The following PTPRD variants were observed in gnomAD, a reference collection of about 807,000 sequenced individuals.
PTPRD encodes receptor-type tyrosine-protein phosphatase delta.
In PTPRD, 34 loss-of-function variants were observed where a neutral mutation model predicts 214.5. The observed-to-expected ratio is 0.16, with a 90% CI of 0.12 to 0.21. PTPRD has a LOEUF of 0.21. Ranked by LOEUF, PTPRD falls within the 10% of genes least tolerant of loss-of-function variation. PTPRD has a pLI of 1.00. For missense variants in PTPRD, 2,545 were observed against 2,398.7 expected, an observed-to-expected ratio of 1.06 and a Z score of -1.27; for synonymous variants, 1,128 against 845.7, an observed-to-expected ratio of 1.33 and a Z score of -5.79.
intron 2 of PTPRD, among the ~76,000 whole-genome samples, chr9:10,368,142 T>G (rs1236909704): frequency 6.6e-5 from 10 of 152,210 alleles, no homozygotes; most frequent in Admixed American, 5.9e-4. Flanking sequence ...TTGACACATA[T>G]TGGTAAGTTG....
At chr9:8,635,304 T>C (rs1475753421) in intron 13 of PTPRD, among the ~76,000 whole-genome samples, 1 of 151,624 alleles carries the variant, frequency 6.6e-6, no homozygotes, top group African/African-American at 2.4e-5. Flanking sequence ...TTAGAAAGCG[T>C]GATGTCAAAC....
In PTPRD at chr9:8,316,488, G is replaced by T. The variant is rs1587169336; in HGVS notation, c.*1386C>A. 2.2e-5 allele frequency: 5 copies of T among 230,368 alleles called. No homozygotes were observed. The East Asian group carries it at 3.1e-4, about 14-fold the overall frequency. 14.3% of individuals were successfully genotyped at this position (230,368 alleles called of 1,614,324 possible). ...ACATATCATAAATGCAAATTTCATA[G>T]CACATACTATAGACAATATACGATT... is the stretch of plus-strand genomic sequence containing the variant. On this transcript the variant is annotated 3_prime_UTR_variant, in exon 46 of 46. Coordinates refer to ENST00000381196, the MANE Select transcript of PTPRD (RefSeq NM_002839.4).
intron 11 of PTPRD, among the ~76,000 whole-genome samples, chr9:8,934,290 T>C (rs1190172548): frequency 1.3e-5 from 2 of 148,990 alleles, no homozygotes; most frequent in African/African-American, 5.0e-5. Flanking sequence ...TAAATTCAGT[T>C]CCAACTTGAA....
intron 3 of PTPRD, among the ~76,000 whole-genome samples, chr9:10,169,269 T>C (rs1041960457): frequency 2.6e-5 from 4 of 151,240 alleles, no homozygotes; most frequent in Non-Finnish European, 5.9e-5. Context: ...GGTCAGGAGA[T>C]CGAGACCATC....
chr9:10,612,928 G>C lies in PTPRD; in HGVS notation c.-948C>G, dbSNP rs1239997323. 1.3e-5 allele frequency among the ~76,000 whole-genome samples: 2 copies of C among 151,368 alleles called. No homozygotes were observed. Among genetic ancestry groups the C allele is most frequent in the Non-Finnish European group, 3.0e-5 (2 of 67,768 alleles). On this transcript the variant is annotated 5_prime_UTR_variant, in exon 1 of 46. Transcript: ENST00000381196. ...GGCCGCCGGCTGCGGGCGCGGCTGGGCGGGGAGCCGAGGCGGCCGCTCCCG... is the reference window on the plus strand; with the variant it reads ...GGCCGCCGGCTGCGGGCGCGGCTGGCCGGGGAGCCGAGGCGGCCGCTCCCG...
chr9:9,374,477 A>G (rs1411042524), intron 9 of PTPRD, among the ~76,000 whole-genome samples: 1 of 152,178 alleles, frequency 6.6e-6, no homozygotes, highest in Non-Finnish European at 1.5e-5. Flanking sequence ...AGTTTTAACT[A>G]TAACATAAAG....
chr9:10,606,150 A>C (rs1311503145), intron 2 of PTPRD, among the ~76,000 whole-genome samples: 2 of 151,886 alleles, frequency 1.3e-5, no homozygotes, highest in Non-Finnish European at 2.9e-5. Context: ...TGTTATCAAC[A>C]GCAAAAAAAC....
At chr9:10,013,067 A>G (rs1244187512) in intron 4 of PTPRD, among the ~76,000 whole-genome samples, 1 of 151,948 alleles carries the variant, frequency 6.6e-6, no homozygotes, top group East Asian at 1.9e-4. Context: ...GTGGCAAATC[A>G]ATGATTTGAA....
intron 2 of PTPRD, among the ~76,000 whole-genome samples, chr9:10,457,055 A>T (rs914933891): frequency 6.6e-6 from 1 of 151,954 alleles, no homozygotes; most frequent in Non-Finnish European, 1.5e-5. Context: ...AATATTGTAT[A>T]TTATACACAT....
chr9:9,644,219 A>G (rs758052467), intron 7 of PTPRD, among the ~76,000 whole-genome samples: 4 of 152,028 alleles, frequency 2.6e-5, no homozygotes, highest in Admixed American at 2.0e-4. Context: ...CCCTCTTGAC[A>G]TTTTGCTTTT....
At chr9:8,943,987 T>G (rs915644648) in intron 11 of PTPRD, among the ~76,000 whole-genome samples, 1 of 151,934 alleles carries the variant, frequency 6.6e-6, no homozygotes, top group Admixed American at 6.6e-5. Flanking sequence ...GAGAAAACAT[T>G]TGCAAACTAT....
intron 3 of PTPRD, among the ~76,000 whole-genome samples, chr9:10,231,774 C>A (rs1028313756): frequency 1.3e-5 from 2 of 151,478 alleles, no homozygotes; most frequent in Admixed American, 1.3e-4. Context: ...ATGGTTTGTC[C>A]CCACCAAAGC....
At chr9:8,438,915 A>C (rs1041628275) in intron 34 of PTPRD, 3 of 152,210 alleles carry the variant, frequency 2.0e-5, no homozygotes, top group African/African-American at 7.2e-5. Flanking sequence ...CAACATATTT[A>C]CTTGTGGCAT....
chr9:10,500,111 A>C (rs1269473133), intron 2 of PTPRD, among the ~76,000 whole-genome samples: 1 of 151,888 alleles, frequency 6.6e-6, no homozygotes, highest in East Asian at 1.9e-4. Context: ...GATTTCTCCC[A>C]TAAGAAGCTA....
chr9:8,850,478 T>C (rs1272818558), intron 11 of PTPRD, among the ~76,000 whole-genome samples: 1 of 152,190 alleles, frequency 6.6e-6, no homozygotes, highest in Non-Finnish European at 1.5e-5. Flanking sequence ...CTTCCATCCA[T>C]GGCATATTTC....
intron 5 of PTPRD, among the ~76,000 whole-genome samples, chr9:9,848,708 T>C (rs746472397): frequency 3.2e-4 from 48 of 152,044 alleles, no homozygotes; most frequent in Admixed American, 1.8e-3. Context: ...AAATATCAAA[T>C]ATATCCTTAC....
At position 8,422,261 on chromosome 9, in the gene PTPRD, T is replaced by C. The variant is rs535493906; in HGVS notation, c.4086+14331A>G. Among the ~76,000 whole-genome samples, 8 of 150,688 alleles carry C rather than the reference T, an allele frequency of 5.3e-5. No homozygotes were observed. The East Asian group carries it at 1.6e-3, about 30-fold the overall frequency. On this transcript the variant is annotated intron_variant, in intron 35 of 45. Coordinates refer to ENST00000381196, the MANE Select transcript of PTPRD (RefSeq NM_002839.4). ...TATATCACACAAGTTTATTTCTCCCTAAAACTGCCTTATTTCTTCCCATAA... is the reference window on the plus strand; with the variant it reads ...TATATCACACAAGTTTATTTCTCCCCAAAACTGCCTTATTTCTTCCCATAA...
rs183500550 is a variant in PTPRD at position 8,889,440 on chromosome 9, T to C, written c.-104+129257A>G. On this transcript the variant is annotated intron_variant, in intron 11 of 45. Coordinates refer to ENST00000381196, the MANE Select transcript of PTPRD (RefSeq NM_002839.4). ...CATACACTGAGATCACCCAGCCTAA[T>C]TCAGGGCCCATATATATTTAAAATT... is the stretch of plus-strand genomic sequence containing the variant. Among the ~76,000 whole-genome samples, 382 of 152,270 alleles carry C rather than the reference T, an allele frequency of 2.5e-3. 1 individual carries two copies. Among genetic ancestry groups the C allele is most frequent in the African/African-American group, 8.9e-3 (368 of 41,566 alleles).
intron 2 of PTPRD, among the ~76,000 whole-genome samples, chr9:10,517,758 G>A (rs1165858105): frequency 6.6e-6 from 1 of 152,018 alleles, no homozygotes; most frequent in Non-Finnish European, 1.5e-5. Context: ...TTGCTTCCAA[G>A]TTGGAAATGT....
Sources: allele counts gnomAD v4.1 joint callset (sites outside exome capture counted in the v4.1 genomes callset), GRCh38; gene constraint gnomAD v4.1.1; transcripts MANE v1.5; gene names NCBI Gene and HGNC (gene_info 2026-07-23, HGNC 2026-07-21).